The following CGNL1 variants were observed in gnomAD, a reference collection of about 807,000 sequenced individuals.
The protein encoded by CGNL1 is cingulin-like protein 1.
In CGNL1, 132 loss-of-function variants were observed where a neutral mutation model predicts 141.2. The observed-to-expected ratio is 0.93, with a 90% CI of 0.81 to 1.08. The LOEUF (loss-of-function observed/expected upper bound fraction) is 1.08, where lower values mean the gene tolerates loss of function less well. Ranked by LOEUF, CGNL1 falls within the 50% of genes least tolerant of loss-of-function variation. The probability of loss-of-function intolerance (pLI) is 0.00; values close to 1 mark genes in which losing one functional copy is unlikely to be tolerated. For missense variants in CGNL1, 1,870 were observed against 1,588.6 expected (o/e 1.18, Z -3.01); for synonymous variants, 690 against 622.1 (o/e 1.11, Z -1.63).
chr15:57,394,446 C>T (rs996166516), intron 1 of CGNL1, among the ~76,000 whole-genome samples: 13 of 152,068 alleles, frequency 8.5e-5, no homozygotes, highest in Admixed American at 6.6e-4. Context: ...TATAGTAACG[C>T]TATTGATTCC....
chr15:57,466,509 C>T (rs1475382300), intron 8 of CGNL1, among the ~76,000 whole-genome samples: 3 of 152,314 alleles, frequency 2.0e-5, no homozygotes, highest in South Asian at 2.1e-4. Flanking sequence ...GAACTTCCCT[C>T]GCTGCCTTTT....
chr15:57,500,176 T>G (rs1350226390), intron 8 of CGNL1, among the ~76,000 whole-genome samples: 3 of 152,162 alleles, frequency 2.0e-5, no homozygotes, highest in African/African-American at 7.2e-5. Context: ...ACCCTTTTCC[T>G]TTGGTGGGTG....
intron 1 of CGNL1, among the ~76,000 whole-genome samples, chr15:57,421,887 A>C (rs554111315): frequency 6.6e-6 from 1 of 152,076 alleles, no homozygotes; most frequent in Non-Finnish European, 1.5e-5. Context: ...GGCCTAAGTG[A>C]AAGGCTTTCT....
chr15:57,458,127 A>T (rs771794838), intron 7 of CGNL1, among the ~76,000 whole-genome samples: 1 of 152,174 alleles, frequency 6.6e-6, no homozygotes, highest in South Asian at 2.1e-4. Context: ...AATGCTCAGC[A>T]CAGTTCTTAT....
At chr15:57,436,270 A>G (rs2063104795) in intron 1 of CGNL1, among the ~76,000 whole-genome samples, 1 of 152,142 alleles carries the variant, frequency 6.6e-6, no homozygotes, top group Admixed American at 6.5e-5. Flanking sequence ...GGGTGGCCAT[A>G]TGATTAAGTT....
Position 57,453,712 on chromosome 15 carries a change from A to G in CGNL1, c.2084A>G (p.Gln695Arg), listed in dbSNP as rs1233961373. The change falls in exon 7 of 19, where the codon CAG (glutamine) becomes CGG (arginine). Residue 695 changes from glutamine to arginine, a missense_variant. Physicochemically the swap from Gln to Arg is conservative, Grantham distance 43. Coordinates refer to ENST00000281282, the MANE Select transcript of CGNL1 (RefSeq NM_032866.5). ...TTCCAGGTGAAGATGGAACGGGAGC[A>G]GCATCAGACTGAGATCAGGGATCTC... is the stretch of plus-strand genomic sequence containing the variant. ...ELFQVKMERE[Q>R]HQTEIRDLQD... 6.2e-7 allele frequency: 1 copy of G among 1,613,976 alleles called. No homozygotes were observed.
intron 7 of CGNL1, among the ~76,000 whole-genome samples, chr15:57,460,509 C>G (rs555486163): frequency 6.6e-6 from 1 of 152,184 alleles, no homozygotes; most frequent in South Asian, 2.1e-4. Context: ...CTACCTGAGA[C>G]TGGGTAATTT....
chr15:57,432,269 G>T lies in CGNL1; in HGVS notation c.-15-5716G>T, dbSNP rs190606424. Among the ~76,000 whole-genome samples, 14 of 152,302 alleles carry T rather than the reference G, an allele frequency of 9.2e-5. No individual in the cohort carries two copies. In the East Asian group the frequency reaches 2.5e-3, roughly 27 times the overall value. On this transcript the variant is annotated intron_variant, in intron 1 of 18. Coordinates refer to ENST00000281282, the MANE Select transcript of CGNL1 (RefSeq NM_032866.5). ...GAATGGCTGGTGAATATGCATGCAG[G>T]TCCTGGAGGTGCCACTGAGAATTAG... is the stretch of plus-strand genomic sequence containing the variant.
At chr15:57,503,701 G>A (rs947972152) in intron 8 of CGNL1, among the ~76,000 whole-genome samples, 1 of 152,174 alleles carries the variant, frequency 6.6e-6, no homozygotes, top group South Asian at 2.1e-4. Context: ...GGCTGGGGAG[G>A]CCTCAGAATT....
intron 8 of CGNL1, 39 bp downstream of exon 8, chr15:57,461,931 T>C (rs1254133854): frequency 6.6e-7 from 1 of 1,521,490 alleles, no homozygotes; most frequent in Non-Finnish European, 9.1e-7. Context: ...TGTGAACAGA[T>C]GAAAGGGTAA....
rs1280365 is a variant in CGNL1 at position 57,492,429 on chromosome 15, G to T, written c.2404-24351G>T. 2.7e-3 allele frequency among the ~76,000 whole-genome samples: 410 copies of T among 152,320 alleles called. 3 individuals are homozygous for T. The highest frequency in any genetic ancestry group is 9.4e-3 in the African/African-American group (389 of 41,568). Reference sequence around the variant, plus strand: ...TTGCAAGGAAACTTTGTGAGCAATAGATTTGCAACTTTGTTTATACATTGA... The same window carrying T: ...TTGCAAGGAAACTTTGTGAGCAATATATTTGCAACTTTGTTTATACATTGA... On this transcript the variant is annotated intron_variant, in intron 8 of 18. Transcript: ENST00000281282.
intron 1 of CGNL1, among the ~76,000 whole-genome samples, chr15:57,417,665 G>A (rs1468681168): frequency 3.4e-5 from 5 of 146,978 alleles, no homozygotes; most frequent in East Asian, 2.0e-4. Context: ...AGTCTCTCTC[G>A]TTCATTTATT....
In CGNL1 at chr15:57,438,695, A is replaced by G. The variant is rs756786963; in HGVS notation, c.696A>G (p.Ser232=). 6.2e-7 allele frequency: 1 copy of G among 1,614,188 alleles called. No individual in the cohort carries two copies. The highest frequency in any genetic ancestry group is 8.5e-7 in the Non-Finnish European group (1 of 1,180,030). Residue 232 remains serine, a synonymous_variant, in exon 2 of 19, where the codon TCA becomes TCG. Coordinates refer to ENST00000281282, the MANE Select transcript of CGNL1 (RefSeq NM_032866.5). ...TAGAGGACCCCAAAAAGCAGACCTC[A>G]GTGTGTGTAAACGTTCAGAGCTGCA... The part of the protein sequence containing the change: ...VVIEDPKKQT[S]VCVNVQSCTK...
intron 1 of CGNL1, among the ~76,000 whole-genome samples, chr15:57,390,710 C>A (rs1380178417): frequency 2.0e-5 from 3 of 152,290 alleles, no homozygotes; most frequent in African/African-American, 7.2e-5. Context: ...ATTTCCTGTA[C>A]ATTCGCTGGC....
intron 8 of CGNL1, among the ~76,000 whole-genome samples, chr15:57,500,034 G>A (rs1213117843): frequency 6.6e-6 from 1 of 152,194 alleles, no homozygotes; most frequent in African/African-American, 2.4e-5. Flanking sequence ...AATGGGTTGG[G>A]TGGTGAGGTG....
At position 57,535,346 on chromosome 15, in the gene CGNL1, C is replaced by A. The variant is rs183060254; in HGVS notation, c.3291+3567C>A. ...TGGGTCAGACCTAAAAAATTGATAA[C>A]TAACAATAGAAAACAGTGGATACTA... On this transcript the variant is annotated intron_variant, in intron 14 of 18. Transcript: ENST00000281282. Among the ~76,000 whole-genome samples the A allele has an allele frequency of 2.9e-3, 437 of 152,286 alleles. 2 individuals carry two copies. Among genetic ancestry groups the A allele is most frequent in the African/African-American group, 1.0e-2 (414 of 41,554 alleles).
chr15:57,439,523 C>T lies in CGNL1; in HGVS notation c.1524C>T (p.Asn508=). Residue 508 remains asparagine, a synonymous_variant, in exon 2 of 19, where the codon AAC becomes AAT. Coordinates refer to ENST00000281282, the MANE Select transcript of CGNL1 (RefSeq NM_032866.5). ...KTATATLMLQ[N]RATATSPDSG... ...CCACCGCTACGCTGATGTTACAGAA[C>T]CGGGCAACAGCAACTTCGCCTGATT... 3 of 1,614,184 alleles carry T rather than the reference C, an allele frequency of 1.9e-6. No homozygotes were observed. Among genetic ancestry groups the T allele is most frequent in the Non-Finnish European group, 2.5e-6 (3 of 1,180,018 alleles).
Position 57,474,491 on chromosome 15 carries a change from A to G in CGNL1, c.2403+12599A>G, listed in dbSNP as rs568176467. Among the ~76,000 whole-genome samples the G allele has an allele frequency of 3.3e-5, 5 of 152,234 alleles. No homozygotes were observed. In the South Asian group the frequency reaches 1.0e-3, roughly 32 times the overall value. ...TTGAAGGAGGGGTGTCTTGTCCTTC[A>G]TATCGTCAGTACTTTGCAGAATGCC... On this transcript the variant is annotated intron_variant, in intron 8 of 18. Transcript: ENST00000281282.
intron 8 of CGNL1, among the ~76,000 whole-genome samples, chr15:57,507,357 G>A (rs1187932312): frequency 2.0e-5 from 3 of 152,114 alleles, no homozygotes; most frequent in Non-Finnish European, 2.9e-5. Flanking sequence ...TTTTATTGTC[G>A]TAACTTTTGT....
Sources: allele counts gnomAD v4.1 joint callset (sites outside exome capture counted in the v4.1 genomes callset), GRCh38; gene constraint gnomAD v4.1.1; transcripts MANE v1.5; gene names NCBI Gene and HGNC (gene_info 2026-07-23, HGNC 2026-07-21).